KIAA1217: variants seen among roughly 807,000 people sequenced by gnomAD.
KIAA1217 encodes the protein sickle tail protein homolog.
Under a neutral mutation model 163.9 loss-of-function variants are expected in KIAA1217, and 88 were observed. The observed-to-expected ratio is 0.54, with a 90% CI of 0.45 to 0.64. The LOEUF is 0.64. Ranked by LOEUF, KIAA1217 falls within the 30% of genes least tolerant of loss-of-function variation. The pLI, the probability that KIAA1217 is intolerant of heterozygous loss-of-function variation, is 0.00. For missense variants in KIAA1217, 2,372 were observed against 2,475.0 expected (o/e 0.96, Z 0.88); for synonymous variants, 903 against 923.1 (o/e 0.98, Z 0.39).
chr10:23,817,276 T>C (rs986410890), intron 1 of KIAA1217, among the ~76,000 whole-genome samples: 10 of 152,188 alleles, frequency 6.6e-5, no homozygotes, highest in African/African-American at 2.4e-4. Context: ...CAGGATGATA[T>C]ATACAAATGA....
intron 1 of KIAA1217, among the ~76,000 whole-genome samples, chr10:23,924,036 G>A (rs1226161337): frequency 6.6e-6 from 1 of 152,004 alleles, no homozygotes; most frequent in East Asian, 1.9e-4. Flanking sequence ...AATGTCTCAA[G>A]ATAATTATGA....
intron 1 of KIAA1217, among the ~76,000 whole-genome samples, chr10:23,853,055 C>G (rs952105806): frequency 6.6e-6 from 1 of 152,090 alleles, no homozygotes; most frequent in Non-Finnish European, 1.5e-5. Flanking sequence ...ACTATGTTGA[C>G]TAGGAGTGGT....
intron 2 of KIAA1217, among the ~76,000 whole-genome samples, chr10:24,309,348 GCGCACACACACA>G (rs2042403611): frequency 1.6e-5 from 2 of 125,404 alleles, no homozygotes; most frequent in African/African-American, 5.8e-5. Context: ...GCACGCGCGC[GCGCACACACACA>G]CACACACACA....
Position 24,533,108 on chromosome 10 carries a change from A to T in KIAA1217, c.3285A>T (p.Arg1095Ser). Residue 1095 changes from arginine (R) to serine (S), a missense_variant, in exon 16 of 21, where the codon AGA becomes AGT. Transcript: ENST00000376454. ...ATGCTGGACCAAGCCCACAGACCAGAGCTACAAAATATCCAGCAGAGGAGC... is the reference window on the plus strand; with the variant it reads ...ATGCTGGACCAAGCCCACAGACCAGTGCTACAAAATATCCAGCAGAGGAGC... ...SEDAGPSPQT[R>S]ATKYPAEEPA... is the part of the protein sequence containing the mutation. The T allele has an allele frequency of 3.1e-6, 5 of 1,613,878 alleles. No individual in the cohort carries two copies. The highest frequency in any genetic ancestry group is 4.2e-6 in the Non-Finnish European group (5 of 1,179,962).
intron 2 of KIAA1217, among the ~76,000 whole-genome samples, chr10:24,245,036 C>T (rs2073616245): frequency 6.6e-6 from 1 of 152,044 alleles, no homozygotes; most frequent in African/African-American, 2.4e-5. Flanking sequence ...GAATGTACAG[C>T]CAAGTTTATG....
chr10:24,420,477 G>A (rs149073791), intron 3 of KIAA1217, among the ~76,000 whole-genome samples: 11 of 152,086 alleles, frequency 7.2e-5, no homozygotes, highest in African/African-American at 2.7e-4. Context: ...TCATTACTTT[G>A]TTTGTAATGT....
intron 2 of KIAA1217, among the ~76,000 whole-genome samples, chr10:24,321,797 G>A (rs906554362): frequency 6.6e-6 from 1 of 152,124 alleles, no homozygotes; most frequent in African/African-American, 2.4e-5. Context: ...CAATGGGTGT[G>A]CAGTTTCAGT....
At chr10:24,032,700 T>C (rs1436345705) in intron 2 of KIAA1217, among the ~76,000 whole-genome samples, 1 of 152,152 alleles carries the variant, frequency 6.6e-6, no homozygotes, top group Non-Finnish European at 1.5e-5. Flanking sequence ...TCTGAATATA[T>C]ATTACTGTTA....
chr10:24,485,824 G>A (rs915705667), intron 6 of KIAA1217, among the ~76,000 whole-genome samples: 4 of 152,310 alleles, frequency 2.6e-5, no homozygotes, highest in Non-Finnish European at 5.9e-5. Context: ...GATGGTTAAG[G>A]AGCGGAGACC....
intron 2 of KIAA1217, among the ~76,000 whole-genome samples, chr10:24,023,341 C>G (rs764366582): frequency 1.8e-4 from 28 of 151,540 alleles, no homozygotes; most frequent in Non-Finnish European, 2.5e-4. Context: ...ATCTATTAAG[C>G]TAAATATATA....
intron 2 of KIAA1217, among the ~76,000 whole-genome samples, chr10:24,319,362 C>G (rs188848410): frequency 0.019 from 2,051 of 109,894 alleles, 25 homozygotes; most frequent in Non-Finnish European, 0.025. Context: ...GGTGACAGAG[C>G]GAGACGTTGT....
At chr10:24,153,336 T>G (rs2064713479) in intron 2 of KIAA1217, among the ~76,000 whole-genome samples, 1 of 152,252 alleles carries the variant, frequency 6.6e-6, no homozygotes, top group South Asian at 2.1e-4. Flanking sequence ...TCTGGAATCA[T>G]ATTCTGTGTT....
In KIAA1217 at chr10:24,524,369, G is replaced by A. The variant is rs141384251; in HGVS notation, c.2503G>A (p.Ala835Thr). The A allele has an allele frequency of 1.2e-4, 186 of 1,614,110 alleles. 1 individual carries two copies. Among genetic ancestry groups the A allele is most frequent in the South Asian group, 4.5e-4 (41 of 91,086 alleles). ...LLKGTDAAQAAQYMAMEKATA... is the reference protein window; with the variant it reads ...LLKGTDAAQATQYMAMEKATA... ...GAAAGGCACGGACGCAGCCCAAGCC[G>A]CACAGTACATGGCTATGGAAAAGGC... Residue 835 changes from alanine to threonine, a missense_variant, in exon 13 of 21, where the codon GCA (alanine) becomes ACA (threonine). Around this residue, in one of 3 missense-constraint regions of KIAA1217, gnomAD observed 1,431 missense variants for 1,470.3 expected, o/e 0.97. Transcript: ENST00000376454.
At chr10:24,058,447 G>T (rs1326781322) in intron 2 of KIAA1217, among the ~76,000 whole-genome samples, 2 of 152,074 alleles carry the variant, frequency 1.3e-5, no homozygotes, top group African/African-American at 4.8e-5. Flanking sequence ...TTGGAATTTT[G>T]ATGAGGATTG....
chr10:24,157,638 T>C (rs1480793424), intron 2 of KIAA1217, among the ~76,000 whole-genome samples: 2 of 152,170 alleles, frequency 1.3e-5, no homozygotes, highest in Non-Finnish European at 2.9e-5. Flanking sequence ...TGAGAGAAGA[T>C]ACAAGGATGG....
rs2075432587 is a variant in KIAA1217, at chr10:24,544,194, G to A, written c.4924G>A (p.Glu1642Lys). The change falls in exon 19 of 21, where the codon GAG becomes AAG. Residue 1642 changes from glutamate (E) to lysine (K), a missense_variant. By Grantham distance (56) the Glu-to-Lys change is moderately conservative. This residue lies in a region of KIAA1217 where 690 missense variants were observed against 677.5 expected (regional missense o/e 1.02). Coordinates refer to ENST00000376454, the MANE Select transcript of KIAA1217 (RefSeq NM_019590.5). ...DTPENTVRRQ[E>K]QPSIESTSPI... ...CCCTGAAAACACAGTGAGGAGGCAA[G>A]AGCAGCCCAGCATCGAGAGTACATC... The A allele has an allele frequency of 3.7e-6, 6 of 1,614,076 alleles. No homozygotes were observed. The East Asian group carries it at 1.3e-4, about 36-fold the overall frequency.
intron 6 of KIAA1217, among the ~76,000 whole-genome samples, chr10:24,477,697 T>C (rs562532274): frequency 1.3e-5 from 2 of 152,368 alleles, no homozygotes; most frequent in East Asian, 3.9e-4. Flanking sequence ...CTAGCTAGTA[T>C]ATTAGCACAA....
At chr10:24,058,729 A>AT (rs2131595919) in intron 2 of KIAA1217, among the ~76,000 whole-genome samples, 1 of 152,184 alleles carries the variant, frequency 6.6e-6, no homozygotes, top group South Asian at 2.1e-4. Context: ...TCATATGTTG[A>AT]TTTTATACCC....
chr10:24,079,066 G>A (rs1304253523), intron 2 of KIAA1217, among the ~76,000 whole-genome samples: 2 of 152,210 alleles, frequency 1.3e-5, no homozygotes, highest in African/African-American at 4.8e-5. Context: ...ACGGCTGCTG[G>A]CAGAGCAGGA....
Sources: gnomAD v4.1 joint callset for allele counts (sites outside exome capture counted in the v4.1 genomes callset) on GRCh38, gnomAD v4.1.1 for gene constraint, gnomAD v4.1.1 regional missense constraint, MANE v1.5 for transcripts, NCBI Gene and HGNC (gene_info 2026-07-23, HGNC 2026-07-21) for gene names.